Variants in ADSS1 observed in about 807,000 individuals in gnomAD.
ADSS1 encodes adenylosuccinate synthetase isozyme 1.
Under a neutral mutation model 59.1 loss-of-function variants are expected in ADSS1, and 57 were observed. That is an observed-to-expected ratio of 0.97 (90% CI 0.78 to 1.20). ADSS1 has a LOEUF of 1.20. Ranked by LOEUF, ADSS1 falls within the 50% of genes most tolerant of loss-of-function variation. The pLI, the probability that ADSS1 is intolerant of heterozygous loss-of-function variation, is 0.00. For synonymous variants in ADSS1, 247 were observed against 249.4 expected, an observed-to-expected ratio of 0.99 and a Z score of 0.09; for missense variants, 603 against 610.3, an observed-to-expected ratio of 0.99 and a Z score of 0.13.
intron 12 of ADSS1, 107 bp from the exon 13 acceptor site, chr14:104,746,844 G>T (rs1001814290): frequency 1.6e-5 from 18 of 1,145,706 alleles, no homozygotes; most frequent in Non-Finnish European, 1.8e-5. Flanking sequence ...AGAGAAAATA[G>T]CCCCTTTTAC....
chr14:104,724,543 T>A (rs1263925392), intron 1 of ADSS1, 81 bp downstream of exon 1: 8 of 1,060,880 alleles, frequency 7.5e-6, no homozygotes, highest in Non-Finnish European at 9.1e-6. Flanking sequence ...TGTCCTCCCA[T>A]GCCCTGGCCG....
chr14:104,725,852 A>G (rs1292933474), intron 1 of ADSS1, among the ~76,000 whole-genome samples: 1 of 151,456 alleles, frequency 6.6e-6, no homozygotes, highest in Non-Finnish European at 1.5e-5. Flanking sequence ...ATGAGCTGCC[A>G]GCTCTGGTGG....
intron 1 of ADSS1, among the ~76,000 whole-genome samples, chr14:104,731,927 A>G (rs1189459573): frequency 6.6e-6 from 1 of 152,186 alleles, no homozygotes; most frequent in Non-Finnish European, 1.5e-5. Flanking sequence ...AGGGGCCAGG[A>G]AAGGAGAAGA....
At position 104,744,902 on chromosome 14, in the gene ADSS1, T is replaced by C; in HGVS notation, c.1164T>C (p.Tyr388=). The change falls in exon 11 of 13, where the codon TAT becomes TAC. Residue 388 remains tyrosine, a synonymous_variant. Transcript: ENST00000330877. Reference sequence around the variant, plus strand: ...AGCTGAACGGGAAAAGGATTCCCTATTTCCCAGGTATGTGAAGTGGGGCAA... The same window carrying C: ...AGCTGAACGGGAAAAGGATTCCCTACTTCCCAGGTATGTGAAGTGGGGCAA... ...SYKLNGKRIP[Y]FPANQEMLQK... 2 of 1,614,054 alleles carry C rather than the reference T, an allele frequency of 1.2e-6. No homozygotes were observed. Among genetic ancestry groups the C allele is most frequent in the Non-Finnish European group, 1.7e-6 (2 of 1,179,982 alleles).
At chr14:104,746,801 C>T in intron 12 of ADSS1, 150 bp from the exon 13 acceptor site, 1 of 793,136 alleles carries the variant, frequency 1.3e-6, no homozygotes. Context: ...GCACTACCTT[C>T]ATAACTTAAA....
intron 11 of ADSS1, chr14:104,745,939 A>C: frequency 4.1e-6 from 1 of 245,676 alleles, no homozygotes; most frequent in Admixed American, 5.2e-5. Flanking sequence ...TTTCCAAGCC[A>C]AGGCTTGGAG....
intron 11 of ADSS1, 126 bp downstream of exon 11, chr14:104,745,035 C>A: frequency 1.3e-6 from 1 of 771,632 alleles, no homozygotes; most frequent in Non-Finnish European, 2.1e-6. Flanking sequence ...AGCAGCTTGT[C>A]TCCAGTGACC....
At chr14:104,724,941 G>T (rs1027041693) in intron 1 of ADSS1, among the ~76,000 whole-genome samples, 5 of 152,212 alleles carry the variant, frequency 3.3e-5, no homozygotes, top group Admixed American at 3.3e-4. Flanking sequence ...GGTGGAGGGG[G>T]TAAAAGCTGC....
At chr14:104,725,373 G>A (rs1890689686) in intron 1 of ADSS1, among the ~76,000 whole-genome samples, 1 of 152,198 alleles carries the variant, frequency 6.6e-6, no homozygotes, top group South Asian at 2.1e-4. Context: ...GGGGTTTGGA[G>A]CCTGCCTGGG....
Position 104,740,814 on chromosome 14 carries a change from G to C in ADSS1, c.585-25G>C, listed in dbSNP as rs549210865. On this transcript the variant is annotated intron_variant, in intron 6 of 12. Transcript: ENST00000330877. The surrounding 1 kb of genome is among the most constrained non-coding windows in gnomAD (Gnocchi z 4.8). Reference sequence around the variant, plus strand: ...GGACCAGCATGGACCATGACAGGGGGTGATGATGACTGTCCCTTGTGCAGA... The same window carrying C: ...GGACCAGCATGGACCATGACAGGGGCTGATGATGACTGTCCCTTGTGCAGA... 33 of 1,613,654 alleles carry C rather than the reference G, an allele frequency of 2.0e-5. No individual in the cohort carries two copies. In the South Asian group the frequency reaches 3.4e-4, roughly 17 times the overall value.
intron 9 of ADSS1, 79 bp from the exon 10 acceptor site, chr14:104,742,988 G>T: frequency 6.3e-7 from 1 of 1,589,902 alleles, no homozygotes; most frequent in East Asian, 2.2e-5. Context: ...CTGTGTGCAG[G>T]GAGGAGGGGG....
chr14:104,724,245 C>T lies in ADSS1; in HGVS notation c.-26C>T, dbSNP rs1156381142. 5 of 1,224,080 alleles carry T rather than the reference C, an allele frequency of 4.1e-6. No homozygotes were observed. The highest frequency in any genetic ancestry group is 8.2e-5 in the South Asian group (2 of 24,246). The allele number at this position is 1,224,080 out of a possible 1,614,324, so 75.8% of individuals were successfully genotyped here. A position where few individuals can be genotyped will look rare whatever the true frequency, so the allele number is the denominator to read the frequency against. On this transcript the variant is annotated 5_prime_UTR_variant, in exon 1 of 13. Transcript: ENST00000330877. ...GGCGGCGGCGGGCTCCTGGCCGGGC[C>T]AGCGCAGCGGAAGAGCCAAGCCAGC...
At chr14:104,743,006 G>A (rs1481728859) in intron 9 of ADSS1, 61 bp from the exon 10 acceptor site, 1 of 1,602,336 alleles carries the variant, frequency 6.2e-7, no homozygotes, top group African/African-American at 1.3e-5. Flanking sequence ...GGGAGCAGCA[G>A]GGCCAGGCTG....
chr14:104,731,945 C>T (rs760561505), intron 1 of ADSS1, among the ~76,000 whole-genome samples: 1 of 152,170 alleles, frequency 6.6e-6, no homozygotes, highest in African/African-American at 2.4e-5. Context: ...AGAGGGAGAC[C>T]GGTGGGGCTG....
At chr14:104,735,172 C>T in intron 2 of ADSS1, 50 bp downstream of exon 2, 1 of 1,522,758 alleles carries the variant, frequency 6.6e-7, no homozygotes, top group Non-Finnish European at 9.0e-7. Context: ...GGGTGTCAGC[C>T]AGCCCAGGAG....
intron 2 of ADSS1, among the ~76,000 whole-genome samples, chr14:104,736,826 CT>C (rs1395763616): frequency 6.7e-6 from 1 of 150,054 alleles, no homozygotes; most frequent in African/African-American, 2.5e-5. Flanking sequence ...GGGGATCCCC[CT>C]GCCTCTGTCT....
intron 4 of ADSS1, 158 bp downstream of exon 4, chr14:104,739,536 C>T (rs991323061): frequency 1.0e-6 from 1 of 998,846 alleles, no homozygotes; most frequent in African/African-American, 1.6e-5. Flanking sequence ...CAAAGAGCTT[C>T]AAGTTGGGAG....
At chr14:104,734,757 A>T (rs944978025) in intron 1 of ADSS1, among the ~76,000 whole-genome samples, 5 of 152,154 alleles carry the variant, frequency 3.3e-5, no homozygotes, top group Non-Finnish European at 5.9e-5. Context: ...GACCTGCACC[A>T]AGCCACCTGG....
chr14:104,727,235 C>A (rs1039019263), intron 1 of ADSS1, among the ~76,000 whole-genome samples: 1 of 152,196 alleles, frequency 6.6e-6, no homozygotes, highest in African/African-American at 2.4e-5. Flanking sequence ...CACAGCCTCC[C>A]GCCTTGGGTC....
Sources: allele counts gnomAD v4.1 joint callset (sites outside exome capture counted in the v4.1 genomes callset), GRCh38; gene constraint gnomAD v4.1.1; non-coding constraint Gnocchi (gnomAD v3.1); transcripts MANE v1.5; gene names NCBI Gene and HGNC (gene_info 2026-07-23, HGNC 2026-07-21).